Variants in MYO16 observed in about 807,000 individuals in gnomAD.
MYO16 encodes the protein myosin XVI, also known as unconventional myosin-XVI.
MYO16 carries 94 observed loss-of-function variants against 205.3 expected under a neutral mutation model. The observed-to-expected ratio is 0.46, with a 90% CI of 0.39 to 0.54. The LOEUF (loss-of-function observed/expected upper bound fraction) is 0.54, where lower values mean the gene tolerates loss of function less well. Among genes scored for constraint, MYO16 ranks in the 20% least tolerant of loss-of-function variants. The pLI is 0.00. For missense variants in MYO16, 2,315 were observed against 2,387.5 expected (o/e 0.97, Z 0.63); for synonymous variants, 988 against 954.0 (o/e 1.04, Z -0.66).
intron 2 of MYO16, among the ~76,000 whole-genome samples, chr13:108,705,767 G>A (rs965214525): frequency 6.6e-6 from 1 of 151,974 alleles, no homozygotes; most frequent in African/African-American, 2.4e-5. Flanking sequence ...CAAAAAGTTA[G>A]ATAAACCACA....
upstream of MYO16, among the ~76,000 whole-genome samples, chr13:108,592,288 T>G (rs1344747647): frequency 2.4e-5 from 2 of 82,702 alleles, no homozygotes; most frequent in Non-Finnish European, 4.7e-5. Context: ...GGGGGCTGTG[T>G]GTGGAGTGTG....
At chr13:109,024,102 T>G (rs899398893) in intron 23 of MYO16, among the ~76,000 whole-genome samples, 4 of 148,294 alleles carry the variant, frequency 2.7e-5, no homozygotes, top group Non-Finnish European at 3.0e-5. Context: ...ACTATAAAAA[T>G]GTATACATTT....
chr13:108,895,136 A>G (rs1240901012), intron 14 of MYO16, among the ~76,000 whole-genome samples: 1 of 152,202 alleles, frequency 6.6e-6, no homozygotes. Context: ...ACAGTAGATT[A>G]ACTCCTACCA....
chr13:108,892,354 C>T (rs1289614635), intron 14 of MYO16, among the ~76,000 whole-genome samples: 1 of 152,118 alleles, frequency 6.6e-6, no homozygotes, highest in Non-Finnish European at 1.5e-5. Context: ...ATTCTCCTGC[C>T]TCAGCCTCCC....
At chr13:109,130,977 A>C (rs1876505914) in intron 31 of MYO16, among the ~76,000 whole-genome samples, 1 of 152,202 alleles carries the variant, frequency 6.6e-6, no homozygotes, top group Non-Finnish European at 1.5e-5. Context: ...TCTCTTAGAC[A>C]ACCCTGATTC....
intron 27 of MYO16, among the ~76,000 whole-genome samples, chr13:109,065,958 A>G (rs1158313313): frequency 2.0e-5 from 3 of 152,226 alleles, no homozygotes; most frequent in Admixed American, 2.0e-4. Flanking sequence ...AGGGTTGGCT[A>G]TTATGCTTGG....
Position 109,145,946 on chromosome 13 carries a change from AT to A in MYO16, c.5164+4576del, listed in dbSNP as rs545175195. ...AATTAACGAAAATCAGACTCAAAATATTTTTTAAAAATTCAGTTTTATTACA... is the reference window on the plus strand; with the variant it reads ...AATTAACGAAAATCAGACTCAAAATATTTTTAAAAATTCAGTTTTATTACA... On this transcript the variant is annotated intron_variant, in intron 32 of 34. Coordinates refer to ENST00000457511, the MANE Select transcript of MYO16 (RefSeq NM_001198950.3). 2.7e-3 allele frequency among the ~76,000 whole-genome samples: 408 copies of A among 152,314 alleles called. 2 individuals are homozygous for A. The highest frequency in any genetic ancestry group is 9.5e-3 in the African/African-American group (394 of 41,570).
chr13:108,762,999 T>A (rs1257865004), intron 4 of MYO16, among the ~76,000 whole-genome samples: 2 of 152,236 alleles, frequency 1.3e-5, no homozygotes, highest in African/African-American at 4.8e-5. Context: ...CAATGCATTG[T>A]AAGAAAGTCT....
At chr13:109,046,575 G>A (rs147798360) in intron 23 of MYO16, among the ~76,000 whole-genome samples, 223 of 152,152 alleles carry the variant, frequency 1.5e-3, no homozygotes, top group African/African-American at 4.7e-3. Flanking sequence ...CAAAAGTTTC[G>A]CAAGTGTGTT....
At chr13:108,577,320 CT>C in the MYO16 span, among the ~76,000 whole-genome samples, 1 of 152,162 alleles carries the variant, frequency 6.6e-6, no homozygotes, top group South Asian at 2.1e-4. Flanking sequence ...ATAGCCAAAT[CT>C]GGCTATTAGA....
intron 9 of MYO16, among the ~76,000 whole-genome samples, chr13:108,839,053 A>T (rs571311037): frequency 8.5e-5 from 13 of 152,170 alleles, no homozygotes; most frequent in African/African-American, 3.1e-4. Context: ...ATGGTTCTGG[A>T]GGCTGAGAAG....
intron 34 of MYO16, among the ~76,000 whole-genome samples, chr13:109,179,923 G>A (rs1186148728): frequency 5.3e-5 from 8 of 151,924 alleles, no homozygotes; most frequent in Non-Finnish European, 8.8e-5. Context: ...AATTATTCTC[G>A]GGTGAAGATG....
chr13:109,028,801 C>G (rs995168047), intron 23 of MYO16, among the ~76,000 whole-genome samples: 7 of 151,618 alleles, frequency 4.6e-5, no homozygotes, highest in Non-Finnish European at 1.0e-4. Flanking sequence ...GTTCATGTCA[C>G]TGATTTCCAC....
Position 108,685,473 on chromosome 13 carries a change from C to T in MYO16, c.292+19324C>T, listed in dbSNP as rs546870415. 2.0e-5 allele frequency among the ~76,000 whole-genome samples: 3 copies of T among 152,300 alleles called. No homozygotes were observed. The South Asian group carries it at 6.2e-4, about 32-fold the overall frequency. On this transcript the variant is annotated intron_variant, in intron 2 of 34. Coordinates refer to ENST00000457511, the MANE Select transcript of MYO16 (RefSeq NM_001198950.3). ...GAATGGAATTGCTGGTGTCCACTGG[C>T]TGATTGCTTGGTGTGGACACAACAC...
At chr13:108,551,880 C>T in the MYO16 span, among the ~76,000 whole-genome samples, 1 of 152,194 alleles carries the variant, frequency 6.6e-6, no homozygotes. Flanking sequence ...ACCAGTCAGG[C>T]TGTTCCAGAT....
chr13:108,621,741 G>A (rs1184918968), intron 1 of MYO16, among the ~76,000 whole-genome samples: 1 of 152,056 alleles, frequency 6.6e-6, no homozygotes, highest in Non-Finnish European at 1.5e-5. Context: ...CTCACATCAG[G>A]CATCAGTAGG....
the MYO16 span, among the ~76,000 whole-genome samples, chr13:108,582,235 G>T: frequency 6.6e-6 from 1 of 152,122 alleles, no homozygotes; most frequent in East Asian, 1.9e-4. Flanking sequence ...GAGGTAATGA[G>T]AGTTCTGTGA....
intron 2 of MYO16, among the ~76,000 whole-genome samples, chr13:108,667,023 TCA>T (rs1207547964): frequency 6.6e-6 from 1 of 152,220 alleles, no homozygotes; most frequent in Non-Finnish European, 1.5e-5. Flanking sequence ...AATTCATTAC[TCA>T]CAATTTGGAA....
chr13:108,898,139 T>G lies in MYO16; in HGVS notation c.1777+6T>G. ...GAAACAACAGCTAACCGGAGGTAAGTGCAGTATTTGACAACGTGGATTTCC... is the reference window on the plus strand; with the variant it reads ...GAAACAACAGCTAACCGGAGGTAAGGGCAGTATTTGACAACGTGGATTTCC... On this transcript the variant is annotated splice_donor_region_variant and intron_variant, in intron 15 of 34. Transcript: ENST00000457511. The G allele has an allele frequency of 2.5e-6, 4 of 1,595,630 alleles. No homozygotes were observed. The highest frequency in any genetic ancestry group is 3.4e-6 in the Non-Finnish European group (4 of 1,163,270).
Sources: allele counts gnomAD v4.1 joint callset (sites outside exome capture counted in the v4.1 genomes callset), GRCh38; gene constraint gnomAD v4.1.1; transcripts MANE v1.5; gene names NCBI Gene and HGNC (gene_info 2026-07-23, HGNC 2026-07-21).